CLEC12A: variants seen among roughly 807,000 people sequenced by gnomAD.
The protein encoded by CLEC12A is C-type lectin domain family 12 member A.
CLEC12A carries 22 observed loss-of-function variants against 26.5 expected under a neutral mutation model. That is an observed-to-expected ratio of 0.83 (90% CI 0.59 to 1.19). The LOEUF (loss-of-function observed/expected upper bound fraction) is 1.19, where lower values mean the gene tolerates loss of function less well. CLEC12A is among the 50% of genes most tolerant of loss of function. The pLI, the probability that CLEC12A is intolerant of heterozygous loss-of-function variation, is 0.00. For missense variants in CLEC12A, 353 were observed against 315.6 expected, an observed-to-expected ratio of 1.12 and a Z score of -0.90; for synonymous variants, 119 against 101.9, an observed-to-expected ratio of 1.17 and a Z score of -1.01.
chr12:9,979,898 C>G (rs976770278), intron 3 of CLEC12A, among the ~76,000 whole-genome samples: 1 of 152,130 alleles, frequency 6.6e-6, no homozygotes, highest in Non-Finnish European at 1.5e-5. Context: ...TGATTGATAA[C>G]AAAGTCCATA....
At chr12:9,973,200 C>T (rs1864195340) in intron 1 of CLEC12A, among the ~76,000 whole-genome samples, 1 of 152,120 alleles carries the variant, frequency 6.6e-6, no homozygotes, top group Non-Finnish European at 1.5e-5. Context: ...GTGGCTCATA[C>T]CCATAGTCCT....
rs1863945214 is a variant in CLEC12A, at chr12:9,966,230, A to C, written c.11-5347A>C. 1.3e-5 allele frequency among the ~76,000 whole-genome samples: 2 copies of C among 152,290 alleles called. 1 individual carries two copies. Among genetic ancestry groups the C allele is most frequent in the South Asian group, 4.1e-4 (2 of 4,828 alleles). On this transcript the variant is annotated intron_variant, in intron 1 of 6. Transcript: ENST00000355690. ...GTAATGTGGAGTGGGTAGCCTCCGT[A>C]TTGATTAAGAAGGGGACGGGCTTAC...
At chr12:9,951,557 C>T in intron 1 of CLEC12A, 2 of 565,860 alleles carry the variant, frequency 3.5e-6, no homozygotes, top group Admixed American at 3.0e-5. Context: ...TGGGTCCAGA[C>T]AGCAGGATCT....
At chr12:9,957,751 A>G (rs551294567) in intron 1 of CLEC12A, among the ~76,000 whole-genome samples, 1 of 152,224 alleles carries the variant, frequency 6.6e-6, no homozygotes, top group Admixed American at 6.5e-5. Flanking sequence ...TTTGTCCCAT[A>G]CCTGTGAAGA....
intron 1 of CLEC12A, among the ~76,000 whole-genome samples, chr12:9,958,970 T>C (rs532501443): frequency 2.9e-4 from 44 of 152,302 alleles, no homozygotes; most frequent in Admixed American, 5.2e-4. Context: ...CACAGACATA[T>C]AACTTAGAAG....
chr12:9,953,586 G>A (rs527458017), intron 1 of CLEC12A, among the ~76,000 whole-genome samples: 1 of 148,190 alleles, frequency 6.7e-6, no homozygotes, highest in Non-Finnish European at 1.5e-5. Context: ...GGAGGGAGGT[G>A]GGGGGGTCAG....
chr12:9,976,205 C>T (rs1403309522), intron 1 of CLEC12A, among the ~76,000 whole-genome samples: 2 of 152,148 alleles, frequency 1.3e-5, no homozygotes, highest in South Asian at 2.1e-4. Context: ...AGTGGACCAC[C>T]GTCCTCCAGC....
downstream of CLEC12A, chr12:9,997,157 T>C: frequency 6.2e-7 from 1 of 1,613,894 alleles, no homozygotes. Context: ...AAACAATACT[T>C]ACTGAAAGTG....
In CLEC12A at chr12:9,961,921, A is replaced by G. The variant is rs1355031657; in HGVS notation, c.11-9656A>G. ...ATATCCCTGGACACTATTGTCCTGA[A>G]GCTCTAGGTATGTTTGTGCTAATAG... is the stretch of plus-strand genomic sequence containing the variant. On this transcript the variant is annotated intron_variant, in intron 1 of 6. Coordinates refer to the CLEC12A transcript ENST00000355690. 3.3e-5 allele frequency among the ~76,000 whole-genome samples: 5 copies of G among 152,184 alleles called. No homozygotes were observed. The East Asian group carries it at 9.6e-4, about 29-fold the overall frequency.
At chr12:9,974,999 T>C (rs925501894) in intron 1 of CLEC12A, among the ~76,000 whole-genome samples, 1 of 151,866 alleles carries the variant, frequency 6.6e-6, no homozygotes, top group East Asian at 1.9e-4. Context: ...TAAAGAGGAG[T>C]TTTCCTGCAC....
downstream of CLEC12A, among the ~76,000 whole-genome samples, chr12:9,986,376 T>C (rs995296673): frequency 6.8e-6 from 1 of 146,944 alleles, no homozygotes; most frequent in African/African-American, 2.5e-5. Context: ...AGGACTGAAA[T>C]TGAGTATTAA....
chr12:9,963,279 T>C (rs988268331), intron 1 of CLEC12A, among the ~76,000 whole-genome samples: 9 of 150,382 alleles, frequency 6.0e-5, no homozygotes, highest in African/African-American at 2.2e-4. Context: ...TATGTTGTCA[T>C]ACACCAGGCC....
upstream of CLEC12A, among the ~76,000 whole-genome samples, chr12:9,968,056 G>A (rs543477661): frequency 6.6e-6 from 1 of 152,264 alleles, no homozygotes; most frequent in Admixed American, 6.5e-5. Flanking sequence ...TGCCAAGATT[G>A]AAAGGAGAAA....
downstream of CLEC12A, among the ~76,000 whole-genome samples, chr12:9,987,417 A>G (rs143969228): frequency 2.0e-5 from 3 of 152,346 alleles, no homozygotes; most frequent in African/African-American, 7.2e-5. Flanking sequence ...GGAAATATTT[A>G]CAGTTTTTTG....
intron 1 of CLEC12A, chr12:9,951,457 G>A (rs1046015157): frequency 1.3e-5 from 9 of 699,420 alleles, no homozygotes; most frequent in Non-Finnish European, 2.4e-5. Context: ...CCAACTGACG[G>A]AGAGAGGAAG....
At chr12:9,997,010 C>T (rs754081114), downstream of CLEC12A, 1 of 1,613,544 alleles carries the variant, frequency 6.2e-7, no homozygotes, top group Non-Finnish European at 8.5e-7. Context: ...TCTGGAGAAA[C>T]CAAGCACAGG....
intron 4 of CLEC12A, 136 bp downstream of exon 4, chr12:9,980,869 C>G: frequency 1.2e-6 from 1 of 837,988 alleles, no homozygotes; most frequent in Non-Finnish European, 1.8e-6. Flanking sequence ...ACACTTATCT[C>G]AAGATATCAT....
chr12:9,992,410 T>C (rs1415079868), intron 4 of CLEC12A: 1 of 152,122 alleles, frequency 6.6e-6, no homozygotes, highest in Non-Finnish European at 1.5e-5. Flanking sequence ...ATGATTGAGC[T>C]ATTTTTCTCA....
downstream of CLEC12A, chr12:9,998,434 G>C: frequency 7.2e-7 from 1 of 1,387,006 alleles, no homozygotes; most frequent in Non-Finnish European, 1.0e-6. Flanking sequence ...TTAGCTATGG[G>C]GAAGGCTCAC....
Sources: gnomAD v4.1 joint callset for allele counts (sites outside exome capture counted in the v4.1 genomes callset) on GRCh38, gnomAD v4.1.1 for gene constraint, MANE v1.5 for transcripts, NCBI Gene and HGNC (gene_info 2026-07-23, HGNC 2026-07-21) for gene names.